Variants in UBE2F observed in about 807,000 individuals in gnomAD.
The protein encoded by UBE2F is NEDD8-conjugating enzyme UBE2F.
Under a neutral mutation model 29.6 loss-of-function variants are expected in UBE2F, and 5 were observed. The ratio of observed to expected loss-of-function variants is 0.17; its 90% CI spans 0.09 to 0.36. The LOEUF is 0.36. UBE2F is among the 10% of genes least tolerant of loss of function. UBE2F has a pLI of 1.00. For synonymous variants in UBE2F, 66 were observed against 81.8 expected, an observed-to-expected ratio of 0.81 and a Z score of 1.04; for missense variants, 141 against 228.5, an observed-to-expected ratio of 0.62 and a Z score of 2.47.
At chr2:238,032,739 C>G (rs1348148235) in intron 8 of UBE2F, 1 of 154,136 alleles carries the variant, frequency 6.5e-6, no homozygotes, top group Non-Finnish European at 1.4e-5. Context: ...CAAGACCAGC[C>G]TGGGCAACAT....
chr2:237,988,611 G>T (rs2063526862), intron 3 of UBE2F, among the ~76,000 whole-genome samples: 1 of 133,810 alleles, frequency 7.5e-6, no homozygotes. Context: ...ATGAGACTCT[G>T]TCTTAAAAAA....
chr2:237,968,566 T>A (rs1257548879), intron 1 of UBE2F, among the ~76,000 whole-genome samples: 1 of 152,178 alleles, frequency 6.6e-6, no homozygotes. Context: ...CCCCCTCACC[T>A]TGAGCTGACT....
chr2:237,991,609 C>CTTTCTTTTTTTT (rs57180067), intron 3 of UBE2F, among the ~76,000 whole-genome samples: 47 of 52,946 alleles, frequency 8.9e-4, no homozygotes, highest in African/African-American at 3.2e-3. Context: ...TTCTTTCTTT[C>CTTTCTTTTTTTT]TTTTTTTTTT....
intron 2 of UBE2F, 76 bp downstream of exon 2, chr2:237,973,301 A>T (rs556849410): frequency 6.7e-7 from 1 of 1,497,684 alleles, no homozygotes; most frequent in East Asian, 2.3e-5. Context: ...TTGGGGATAT[A>T]AAGCAACCTA....
chr2:237,970,485 T>A (rs2063152699), intron 1 of UBE2F, among the ~76,000 whole-genome samples: 1 of 152,228 alleles, frequency 6.6e-6, no homozygotes, highest in South Asian at 2.1e-4. Flanking sequence ...TGGGCCTCTG[T>A]TGTCCTGGGG....
intron 4 of UBE2F, among the ~76,000 whole-genome samples, chr2:238,005,939 G>A (rs1309063483): frequency 6.6e-6 from 1 of 151,920 alleles, no homozygotes; most frequent in African/African-American, 2.4e-5. Flanking sequence ...TGTGAAATTC[G>A]GCAAAAAACT....
chr2:237,984,058 T>TCCCTCCTCCTCCTCTTCCTACCCCTC, intron 2 of UBE2F, among the ~76,000 whole-genome samples: 1 of 149,124 alleles, frequency 6.7e-6, no homozygotes, highest in African/African-American at 2.5e-5. Flanking sequence ...TCTTACCCCT[T>TCCCTCCTCCTCCTCTTCCTACCCCTC]CCCTACTCCT....
intron 4 of UBE2F, chr2:238,003,407 C>G: frequency 2.1e-6 from 1 of 470,930 alleles, no homozygotes; most frequent in South Asian, 1.5e-5. Context: ...ACTGTGCCTA[C>G]TGAGTAGGCC....
At chr2:237,994,934 C>G (rs1203219147) in intron 4 of UBE2F, 125 bp downstream of exon 4, 10 of 707,494 alleles carry the variant, frequency 1.4e-5, no homozygotes, top group Non-Finnish European at 2.2e-5. Context: ...ATAACAATTT[C>G]ATATGAAGAT....
intron 4 of UBE2F, among the ~76,000 whole-genome samples, chr2:237,998,943 AC>A (rs1476348391): frequency 6.6e-6 from 1 of 152,144 alleles, no homozygotes; most frequent in Non-Finnish European, 1.5e-5. Context: ...CCCTAAAAAA[AC>A]TTTTTATTTT....
chr2:237,987,309 C>A (rs1265677649), intron 2 of UBE2F, among the ~76,000 whole-genome samples: 1 of 152,066 alleles, frequency 6.6e-6, no homozygotes, highest in East Asian at 1.9e-4. Context: ...ATCTTGTCAC[C>A]TGAAACTGGG....
intron 2 of UBE2F, among the ~76,000 whole-genome samples, chr2:237,976,741 G>T (rs986344191): frequency 1.3e-5 from 2 of 152,116 alleles, no homozygotes; most frequent in African/African-American, 4.8e-5. Context: ...ACCACAGTGG[G>T]GATTAAGCTT....
At chr2:237,999,360 A>G (rs2063748444) in intron 4 of UBE2F, among the ~76,000 whole-genome samples, 1 of 152,150 alleles carries the variant, frequency 6.6e-6, no homozygotes, top group Non-Finnish European at 1.5e-5. Flanking sequence ...ATGAGCCACC[A>G]CATGTGGCTG....
chr2:238,001,120 C>T (rs1182445050), intron 4 of UBE2F, among the ~76,000 whole-genome samples: 11 of 149,974 alleles, frequency 7.3e-5, no homozygotes, highest in African/African-American at 1.5e-4. Flanking sequence ...CCGCAACCTC[C>T]GCTTCCTGGT....
At chr2:237,998,901 C>A (rs1024809183) in intron 4 of UBE2F, among the ~76,000 whole-genome samples, 1 of 152,086 alleles carries the variant, frequency 6.6e-6, no homozygotes, top group Non-Finnish European at 1.5e-5. Context: ...GCCATTTATA[C>A]ATCGTCCTTT....
At chr2:237,979,455 G>A (rs2106331737) in intron 2 of UBE2F, among the ~76,000 whole-genome samples, 1 of 152,354 alleles carries the variant, frequency 6.6e-6, no homozygotes, top group South Asian at 2.1e-4. Flanking sequence ...ACTATTTTCT[G>A]GAACCACTGT....
In UBE2F at chr2:238,040,831, G is replaced by A. The variant is rs1359018580; in HGVS notation, c.508-457G>A. Among the ~76,000 whole-genome samples the A allele has an allele frequency of 6.6e-6, 1 of 152,112 alleles. No homozygotes were observed. The highest frequency in any genetic ancestry group is 1.5e-5 in the Non-Finnish European group (1 of 68,006). ...AGAGATGGGGGCCTGTACATGGGCT[G>A]TGAAGAGCAGGCACATTTTAAGTAG... On this transcript the variant is annotated intron_variant, in intron 9 of 9. Coordinates refer to ENST00000272930, the MANE Select transcript of UBE2F (RefSeq NM_080678.3). This position sits in a 1 kb window ranked among gnomAD's most constrained non-coding sequence, Gnocchi z 4.4.
chr2:238,016,686 TGGCTGTGGCCC>T, intron 5 of UBE2F, 53 bp downstream of exon 5: 1 of 1,538,538 alleles, frequency 6.5e-7, no homozygotes, highest in African/African-American at 1.4e-5. Context: ...GGGCTGCCTG[TGGCTGTGGCCC>T]GCCACTGGCA....
chr2:237,975,322 C>G (rs912481690), intron 2 of UBE2F, among the ~76,000 whole-genome samples: 1 of 151,924 alleles, frequency 6.6e-6, no homozygotes, highest in African/African-American at 2.4e-5. Flanking sequence ...GTTGCCCAGG[C>G]TGGTCTTGAA....
Sources: gnomAD v4.1 joint callset for allele counts (sites outside exome capture counted in the v4.1 genomes callset) on GRCh38, gnomAD v4.1.1 for gene constraint, Gnocchi (gnomAD v3.1) non-coding constraint, MANE v1.5 for transcripts, NCBI Gene and HGNC (gene_info 2026-07-23, HGNC 2026-07-21) for gene names.